The following KCNK1 variants were observed in gnomAD, a reference collection of about 807,000 sequenced individuals.
The protein encoded by KCNK1 is potassium two pore domain channel subfamily K member 1.
Under a neutral mutation model 22.2 loss-of-function variants are expected in KCNK1, and 10 were observed. That is an observed-to-expected ratio of 0.45 (90% CI 0.28 to 0.76). The LOEUF (loss-of-function observed/expected upper bound fraction) is 0.76, where lower values mean the gene tolerates loss of function less well. Among genes scored for constraint, KCNK1 ranks in the 30% least tolerant of loss-of-function variants. KCNK1 has a pLI of 0.14. For missense variants in KCNK1, 378 were observed against 421.0 expected, an observed-to-expected ratio of 0.90 and a Z score of 0.89; for synonymous variants, 200 against 186.4, an observed-to-expected ratio of 1.07 and a Z score of -0.60.
In KCNK1 at chr1:233,642,864, G is replaced by A. The variant is rs1658023177; in HGVS notation, c.356-23731G>A. On this transcript the variant is annotated intron_variant, in intron 1 of 2. Transcript: ENST00000366621. Reference sequence around the variant, plus strand: ...GCTCACTGCAACCACTGCCTCCTGGGCTTGAACGATTCTTCTGCCTCAGCC... The same window carrying A: ...GCTCACTGCAACCACTGCCTCCTGGACTTGAACGATTCTTCTGCCTCAGCC... 2.0e-5 allele frequency among the ~76,000 whole-genome samples: 3 copies of A among 151,882 alleles called. No homozygotes were observed. In the South Asian group the frequency reaches 6.2e-4, roughly 31 times the overall value.
intron 1 of KCNK1, among the ~76,000 whole-genome samples, chr1:233,651,689 C>T (rs1233064195): frequency 6.6e-6 from 1 of 152,150 alleles, no homozygotes; most frequent in Non-Finnish European, 1.5e-5. Context: ...TCGAATGTCC[C>T]AGATAGAAAG....
intron 2 of KCNK1, among the ~76,000 whole-genome samples, chr1:233,670,845 C>A (rs1472735171): frequency 6.6e-6 from 1 of 152,152 alleles, no homozygotes; most frequent in Non-Finnish European, 1.5e-5. Context: ...CTTCCGAGCA[C>A]CCCATGATAA....
chr1:233,623,790 T>C (rs1399256672), intron 1 of KCNK1, among the ~76,000 whole-genome samples: 1 of 152,132 alleles, frequency 6.6e-6, no homozygotes, highest in Non-Finnish European at 1.5e-5. Context: ...GGTTTTGCCA[T>C]GTTGGTTGCC....
intron 1 of KCNK1, among the ~76,000 whole-genome samples, chr1:233,623,703 C>T (rs868097021): frequency 6.6e-6 from 1 of 152,194 alleles, no homozygotes; most frequent in South Asian, 2.1e-4. Context: ...ATTCTCCTGC[C>T]TCAGCCTCCT....
rs149509703 is a variant in KCNK1 at position 233,617,798 on chromosome 1, G to A, written c.355+3272G>A. Among the ~76,000 whole-genome samples, 783 of 152,288 alleles carry A rather than the reference G, an allele frequency of 5.1e-3. 6 individuals carry two copies. Among genetic ancestry groups the A allele is most frequent in the Non-Finnish European group, 8.0e-3 (545 of 68,018 alleles). On this transcript the variant is annotated intron_variant, in intron 1 of 2. Coordinates refer to ENST00000366621, the MANE Select transcript of KCNK1 (RefSeq NM_002245.4). Reference sequence around the variant, plus strand: ...TACTAAAAGTTAACAAAATTAGCCCGGAGTGATGGCGTGTGCCTGTAGTCC... The same window carrying A: ...TACTAAAAGTTAACAAAATTAGCCCAGAGTGATGGCGTGTGCCTGTAGTCC...
chr1:233,638,190 G>A (rs1011562569), intron 1 of KCNK1, among the ~76,000 whole-genome samples: 1 of 152,066 alleles, frequency 6.6e-6, no homozygotes, highest in African/African-American at 2.4e-5. Context: ...CCTTAAAACC[G>A]GGAGGCCTGG....
chr1:233,637,901 T>C (rs1657930757), intron 1 of KCNK1, among the ~76,000 whole-genome samples: 1 of 152,010 alleles, frequency 6.6e-6, no homozygotes, highest in African/African-American at 2.4e-5. Flanking sequence ...GGGAGAGGGA[T>C]AGGCAATTTG....
intron 1 of KCNK1, among the ~76,000 whole-genome samples, chr1:233,662,418 T>C (rs1658413604): frequency 6.6e-6 from 1 of 152,282 alleles, no homozygotes; most frequent in Non-Finnish European, 1.5e-5. Context: ...GTGGGGCCAT[T>C]GTAAGCTACA....
chr1:233,633,970 C>T (rs1027873134), intron 1 of KCNK1, among the ~76,000 whole-genome samples: 2 of 151,986 alleles, frequency 1.3e-5, no homozygotes, highest in African/African-American at 4.8e-5. Flanking sequence ...GCAATGACTA[C>T]GATGAGAAGG....
At chr1:233,631,809 G>GTT (rs1558110704) in intron 1 of KCNK1, among the ~76,000 whole-genome samples, 162 of 151,940 alleles carry the variant, frequency 1.1e-3, no homozygotes, top group African/African-American at 3.8e-3. Context: ...GATAGATTCT[G>GTT]GTTTTTTTTA....
chr1:233,644,415 T>A (rs1658054271), intron 1 of KCNK1, among the ~76,000 whole-genome samples: 1 of 152,196 alleles, frequency 6.6e-6, no homozygotes, highest in Non-Finnish European at 1.5e-5. Flanking sequence ...CACTTAGGCA[T>A]ACAATGATAA....
At chr1:233,662,816 T>C (rs1658423185) in intron 1 of KCNK1, among the ~76,000 whole-genome samples, 1 of 152,162 alleles carries the variant, frequency 6.6e-6, no homozygotes, top group South Asian at 2.1e-4. Context: ...TGAGGTCAGT[T>C]TTTTCAGCAG....
At chr1:233,634,297 C>T (rs1375361985) in intron 1 of KCNK1, among the ~76,000 whole-genome samples, 9 of 144,636 alleles carry the variant, frequency 6.2e-5, no homozygotes, top group Non-Finnish European at 1.3e-4. Context: ...CAGAGCTACT[C>T]TGTCTCAACA....
chr1:233,619,014 T>C (rs1260925390), intron 1 of KCNK1, among the ~76,000 whole-genome samples: 1 of 152,016 alleles, frequency 6.6e-6, no homozygotes, highest in Non-Finnish European at 1.5e-5. Flanking sequence ...TCCTGTTCCT[T>C]TTTGTTTATT....
At chr1:233,625,199 TC>T (rs563408120) in intron 1 of KCNK1, among the ~76,000 whole-genome samples, 138 of 152,282 alleles carry the variant, frequency 9.1e-4, no homozygotes, top group African/African-American at 3.0e-3. Flanking sequence ...ATGATCTAAA[TC>T]TTATAAGACC....
At chr1:233,621,333 CTGT>C in intron 1 of KCNK1, among the ~76,000 whole-genome samples, 1 of 152,336 alleles carries the variant, frequency 6.6e-6, no homozygotes. Context: ...AAATAAATTT[CTGT>C]TGTTTAAGCC....
intron 1 of KCNK1, 75 bp from the exon 2 acceptor site, chr1:233,666,520 G>C (rs1658491917): frequency 7.1e-7 from 1 of 1,400,324 alleles, no homozygotes; most frequent in Admixed American, 2.1e-5. Flanking sequence ...GCAGATGATA[G>C]GCATATATTG....
At chr1:233,664,306 A>G (rs1481517708) in intron 1 of KCNK1, among the ~76,000 whole-genome samples, 1 of 151,862 alleles carries the variant, frequency 6.6e-6, no homozygotes, top group Non-Finnish European at 1.5e-5. Flanking sequence ...CTTCCTTCAC[A>G]TATTTTTTTT....
chr1:233,620,349 T>G (rs1418228203), intron 1 of KCNK1, among the ~76,000 whole-genome samples: 3 of 152,238 alleles, frequency 2.0e-5, no homozygotes, highest in Non-Finnish European at 4.4e-5. Flanking sequence ...CACTTTCTTC[T>G]GGGAAACTTT....
Sources: gnomAD v4.1 joint callset for allele counts (sites outside exome capture counted in the v4.1 genomes callset) on GRCh38, gnomAD v4.1.1 for gene constraint, MANE v1.5 for transcripts, NCBI Gene and HGNC (gene_info 2026-07-23, HGNC 2026-07-21) for gene names.